ADCY3: variants seen among roughly 807,000 people sequenced by gnomAD.
ADCY3 encodes adenylate cyclase 3.
In ADCY3, 70 loss-of-function variants were observed where a neutral mutation model predicts 119.4. That is an observed-to-expected ratio of 0.59 (90% CI 0.48 to 0.72). The LOEUF (loss-of-function observed/expected upper bound fraction) is 0.72, where lower values mean the gene tolerates loss of function less well. Among genes scored for constraint, ADCY3 ranks in the 30% least tolerant of loss-of-function variants. The pLI is 0.00. For missense variants in ADCY3, 1,238 were observed against 1,541.6 expected, an observed-to-expected ratio of 0.80 and a Z score of 3.30; for synonymous variants, 672 against 621.4, an observed-to-expected ratio of 1.08 and a Z score of -1.21.
chr2:24,846,985 G>A (rs1671729538), intron 3 of ADCY3, among the ~76,000 whole-genome samples: 1 of 152,178 alleles, frequency 6.6e-6, no homozygotes, highest in African/African-American at 2.4e-5. Flanking sequence ...GACTTTGGGG[G>A]GACTATTGGG....
rs1044991696 is a variant in ADCY3, at chr2:24,919,035, A to T, written c.-48T>A. On this transcript the variant is annotated 5_prime_UTR_variant, in exon 2 of 22. Transcript: ENST00000679454. The surrounding 1 kb of genome is among the most constrained non-coding windows in gnomAD (Gnocchi z 5.5). ...CCCTAGAGAAGTGGACTGGGAACGG[A>T]GGAAGAGCTCTGGACTGGGCCTCCT... 14 of 1,494,534 alleles carry T rather than the reference A, an allele frequency of 9.4e-6. No homozygotes were observed. Among genetic ancestry groups the T allele is most frequent in the African/African-American group, 1.4e-5 (1 of 72,176 alleles). 92.6% of individuals were successfully genotyped at this position (1,494,534 alleles called of 1,614,324 possible).
intron 17 of ADCY3, among the ~76,000 whole-genome samples, chr2:24,823,946 C>T (rs942535182): frequency 3.9e-5 from 6 of 152,182 alleles, no homozygotes; most frequent in Admixed American, 6.5e-5. Flanking sequence ...CCACCCGCCT[C>T]GGCCTCCCAA....
intron 8 of ADCY3, among the ~76,000 whole-genome samples, chr2:24,837,466 C>G (rs549513851): frequency 1.3e-5 from 2 of 152,100 alleles, no homozygotes; most frequent in South Asian, 2.1e-4. Flanking sequence ...AGACTGACAT[C>G]GAGGTTAGAA....
chr2:24,897,575 A>G (rs1678427233), intron 2 of ADCY3, among the ~76,000 whole-genome samples: 1 of 152,150 alleles, frequency 6.6e-6, no homozygotes, highest in Non-Finnish European at 1.5e-5. Flanking sequence ...GTGCTTGGTC[A>G]GTGTTCCTCC....
chr2:24,866,498 G>A (rs1421277198), intron 3 of ADCY3, among the ~76,000 whole-genome samples: 1 of 131,754 alleles, frequency 7.6e-6, no homozygotes, highest in Non-Finnish European at 1.5e-5. Flanking sequence ...TTTTGCTTGA[G>A]CCCAGGAACT....
intron 13 of ADCY3, 135 bp downstream of exon 13, chr2:24,830,574 T>G: frequency 1.5e-6 from 1 of 666,064 alleles, no homozygotes; most frequent in Non-Finnish European, 2.6e-6. Context: ...GATGATGTGT[T>G]TGGGAACCTA....
In ADCY3 at chr2:24,918,116, C is replaced by G. The variant is rs1046546975; in HGVS notation, c.675+197G>C. On this transcript the variant is annotated intron_variant, in intron 2 of 21. Transcript: ENST00000679454. This position sits in a 1 kb window ranked among gnomAD's most constrained non-coding sequence, Gnocchi z 5.4. ...CCCAATGCCCTGACATCCTCCTTTC[C>G]CTGGGGCCAAGCACAGGCAGACTCC... Among the ~76,000 whole-genome samples, 1 of 152,196 alleles carries G rather than the reference C, an allele frequency of 6.6e-6. No homozygotes were observed. Among genetic ancestry groups the G allele is most frequent in the Non-Finnish European group, 1.5e-5 (1 of 68,032 alleles).
chr2:24,904,829 C>G (rs775461364), intron 2 of ADCY3, among the ~76,000 whole-genome samples: 1 of 151,840 alleles, frequency 6.6e-6, no homozygotes, highest in Non-Finnish European at 1.5e-5. Context: ...TTAGTAGAGA[C>G]AGGGTTGCAC....
chr2:24,851,317 C>T (rs752396441), intron 3 of ADCY3, among the ~76,000 whole-genome samples: 1 of 152,200 alleles, frequency 6.6e-6, no homozygotes, highest in African/African-American at 2.4e-5. Context: ...AGAACGGTCA[C>T]CCTGGGCTGG....
intron 3 of ADCY3, among the ~76,000 whole-genome samples, chr2:24,869,112 C>A (rs1453351911): frequency 1.3e-5 from 2 of 151,974 alleles, no homozygotes; most frequent in Non-Finnish European, 2.9e-5. Context: ...AAACAATAAG[C>A]CTTAGCAAGA....
intron 3 of ADCY3, among the ~76,000 whole-genome samples, chr2:24,871,109 C>A (rs1236924090): frequency 2.0e-5 from 3 of 149,598 alleles, no homozygotes; most frequent in Non-Finnish European, 2.9e-5. Flanking sequence ...AAAGAATGCT[C>A]GCCTAGCTAG....
chr2:24,878,357 C>T lies in ADCY3; in HGVS notation c.676-5638G>A, dbSNP rs1308490628. Reference sequence around the variant, plus strand: ...CAACCCGTAGGGAAATGGGGCTGCTCTAAGTGGGACTGTCGAGTGGAAGTC... The same window carrying T: ...CAACCCGTAGGGAAATGGGGCTGCTTTAAGTGGGACTGTCGAGTGGAAGTC... On this transcript the variant is annotated intron_variant, in intron 2 of 21. Transcript: ENST00000679454. This position sits in a 1 kb window ranked among gnomAD's most constrained non-coding sequence, Gnocchi z 4.0. 6.6e-6 allele frequency among the ~76,000 whole-genome samples: 1 copy of T among 152,114 alleles called. No homozygotes were observed. Among genetic ancestry groups the T allele is most frequent in the East Asian group, 1.9e-4 (1 of 5,184 alleles).
At chr2:24,861,912 T>C (rs1287743905) in intron 3 of ADCY3, among the ~76,000 whole-genome samples, 1 of 152,248 alleles carries the variant, frequency 6.6e-6, no homozygotes, top group Non-Finnish European at 1.5e-5. Flanking sequence ...CCCTCTGCCT[T>C]ATTTCATGTG....
At chr2:24,916,449 C>T (rs56214615) in intron 2 of ADCY3, among the ~76,000 whole-genome samples, 16,247 of 152,198 alleles carry the variant, frequency 0.11, 935 homozygotes, top group South Asian at 0.18. Context: ...TTTGGGAGGC[C>T]GAGGCGGGCG....
intron 11 of ADCY3, among the ~76,000 whole-genome samples, chr2:24,833,965 CAA>C (rs1669952269): frequency 6.6e-6 from 1 of 151,990 alleles, no homozygotes; most frequent in Non-Finnish European, 1.5e-5. Flanking sequence ...AAAGGGAGAA[CAA>C]GAGAGTGGTC....
intron 3 of ADCY3, among the ~76,000 whole-genome samples, chr2:24,844,063 TA>T (rs1671378386): frequency 6.6e-6 from 1 of 152,000 alleles, no homozygotes; most frequent in Non-Finnish European, 1.5e-5. Context: ...GGGACACAAC[TA>T]AAGAAAGTGT....
intron 2 of ADCY3, among the ~76,000 whole-genome samples, chr2:24,874,796 C>T (rs1031114192): frequency 4.6e-5 from 7 of 152,176 alleles, no homozygotes; most frequent in African/African-American, 7.2e-5. Context: ...GGGTTCCCCC[C>T]GAATTTATGT....
At chr2:24,914,396 T>C (rs960670468) in intron 2 of ADCY3, among the ~76,000 whole-genome samples, 8 of 152,124 alleles carry the variant, frequency 5.3e-5, no homozygotes, top group Non-Finnish European at 1.0e-4. Flanking sequence ...TTCCCTCCTC[T>C]GGACAGCGGC....
chr2:24,909,903 C>T (rs530610935), intron 2 of ADCY3, among the ~76,000 whole-genome samples: 3 of 152,188 alleles, frequency 2.0e-5, no homozygotes, highest in Non-Finnish European at 4.4e-5. Flanking sequence ...CTTCTTGTAG[C>T]CGATAGTGAT....
Sources: allele counts gnomAD v4.1 joint callset (sites outside exome capture counted in the v4.1 genomes callset), GRCh38; gene constraint gnomAD v4.1.1; non-coding constraint Gnocchi (gnomAD v3.1); transcripts MANE v1.5; gene names NCBI Gene and HGNC (gene_info 2026-07-23, HGNC 2026-07-21).